RPS6KA5: variants seen among roughly 807,000 people sequenced by gnomAD.
The protein encoded by RPS6KA5 is ribosomal protein S6 kinase alpha-5.
RPS6KA5 carries 27 observed loss-of-function variants against 85.5 expected under a neutral mutation model. That is an observed-to-expected ratio of 0.32 (90% CI 0.23 to 0.44). The LOEUF is 0.44. Ranked by LOEUF, RPS6KA5 falls within the 20% of genes least tolerant of loss-of-function variation. The probability of loss-of-function intolerance (pLI) is 1.00; values close to 1 mark genes in which losing one functional copy is unlikely to be tolerated. For synonymous variants in RPS6KA5, 334 were observed against 348.2 expected (o/e 0.96, Z 0.46); for missense variants, 811 against 980.9 (o/e 0.83, Z 2.31).
intron 16 of RPS6KA5, among the ~76,000 whole-genome samples, chr14:90,873,149 G>A (rs2033230595): frequency 1.3e-5 from 2 of 151,920 alleles, no homozygotes; most frequent in Non-Finnish European, 2.9e-5. Flanking sequence ...CATCTGCTTG[G>A]CACAAATGTG....
chr14:91,053,983 G>C (rs1010342731), intron 1 of RPS6KA5, among the ~76,000 whole-genome samples: 2 of 152,204 alleles, frequency 1.3e-5, no homozygotes, highest in African/African-American at 2.4e-5. Context: ...CTGCTATAAG[G>C]AGAGACATAT....
chr14:91,014,217 T>C (rs950740062), intron 1 of RPS6KA5, among the ~76,000 whole-genome samples: 1 of 152,118 alleles, frequency 6.6e-6, no homozygotes, highest in Admixed American at 6.5e-5. Flanking sequence ...ATGAGTATTA[T>C]AAGGCCGGGG....
At chr14:91,000,718 C>T (rs1312523260) in intron 2 of RPS6KA5, among the ~76,000 whole-genome samples, 1 of 152,130 alleles carries the variant, frequency 6.6e-6, no homozygotes, top group Admixed American at 6.6e-5. Context: ...AGGAGAATCG[C>T]TTGAACCCAG....
chr14:91,033,249 T>A (rs2042264488), intron 1 of RPS6KA5, among the ~76,000 whole-genome samples: 1 of 151,270 alleles, frequency 6.6e-6, no homozygotes, highest in Non-Finnish European at 1.5e-5. Context: ...AAAATGTAAA[T>A]TTAAAATCAC....
chr14:90,938,699 C>T (rs2037414010), intron 5 of RPS6KA5, among the ~76,000 whole-genome samples: 1 of 152,222 alleles, frequency 6.6e-6, no homozygotes, highest in African/African-American at 2.4e-5. Context: ...GAAGCAACAG[C>T]CTGAGCTGTA....
chr14:91,047,025 C>T (rs564176179), intron 1 of RPS6KA5, among the ~76,000 whole-genome samples: 1 of 124,306 alleles, frequency 8.0e-6, no homozygotes, highest in Admixed American at 8.9e-5. Flanking sequence ...ACAGCCTGGG[C>T]AACAGAACAA....
At position 90,852,079 on chromosome 14, in the gene RPS6KA5, A is replaced by C. The variant is rs2032024377; in HGVS notation, c.*19995T>G. 7.3e-6 allele frequency: 1 copy of C among 136,894 alleles called. No individual in the cohort carries two copies. The highest frequency in any genetic ancestry group is 1.6e-5 in the Non-Finnish European group (1 of 63,820). The allele number at this position is 136,894 out of a possible 1,614,324, so 8.5% of individuals were successfully genotyped here. ...ATTATCGGTATCTTTTCTTTAAAAAATCACTTTTTTTTTTTTTTTTTTTTT... is the reference window on the plus strand; with the variant it reads ...ATTATCGGTATCTTTTCTTTAAAAACTCACTTTTTTTTTTTTTTTTTTTTT... On this transcript the variant is annotated 3_prime_UTR_variant, in exon 17 of 17. Transcript: ENST00000614987.
chr14:90,960,930 T>C (rs1033272696), intron 3 of RPS6KA5, among the ~76,000 whole-genome samples: 2 of 152,202 alleles, frequency 1.3e-5, no homozygotes, highest in African/African-American at 4.8e-5. Flanking sequence ...GGACATACAA[T>C]GAAAATGGGC....
chr14:90,869,975 C>T lies in RPS6KA5; in HGVS notation c.*2099G>A, dbSNP rs1215827136. 2.0e-5 allele frequency: 3 copies of T among 152,092 alleles called. No individual in the cohort carries two copies. Among genetic ancestry groups the T allele is most frequent in the African/African-American group, 4.8e-5 (2 of 41,412 alleles). The allele number at this position is 152,092 out of a possible 1,614,324, so 9.4% of individuals were successfully genotyped here. A position where few individuals can be genotyped will look rare whatever the true frequency, so the allele number is the denominator to read the frequency against. Reference sequence around the variant, plus strand: ...CCTTTTTACCCATTTCATCGCCTGTCGAATCCTCCTCAAGAAGAGGCAAGG... The same window carrying T: ...CCTTTTTACCCATTTCATCGCCTGTTGAATCCTCCTCAAGAAGAGGCAAGG... On this transcript the variant is annotated 3_prime_UTR_variant, in exon 17 of 17. Coordinates refer to ENST00000614987, the MANE Select transcript of RPS6KA5 (RefSeq NM_004755.4).
intron 15 of RPS6KA5, among the ~76,000 whole-genome samples, chr14:90,874,394 A>G (rs2033317015): frequency 6.6e-6 from 1 of 152,172 alleles, no homozygotes; most frequent in Non-Finnish European, 1.5e-5. Flanking sequence ...TGGCTATGGA[A>G]GAGGATTAAG....
chr14:91,004,825 G>A (rs1218176625), intron 1 of RPS6KA5, among the ~76,000 whole-genome samples: 4 of 151,862 alleles, frequency 2.6e-5, no homozygotes, highest in African/African-American at 7.3e-5. Flanking sequence ...AAAATTAGCC[G>A]GGCATGGTGG....
chr14:91,057,142 G>A (rs2043357822), intron 1 of RPS6KA5, among the ~76,000 whole-genome samples: 1 of 151,884 alleles, frequency 6.6e-6, no homozygotes, highest in Non-Finnish European at 1.5e-5. Context: ...GCCTCCCAAG[G>A]CAGTATTATC....
intron 6 of RPS6KA5, among the ~76,000 whole-genome samples, chr14:90,922,382 G>A (rs1343929407): frequency 1.3e-5 from 2 of 152,278 alleles, no homozygotes; most frequent in Middle Eastern, 3.4e-3. Flanking sequence ...TTTACATGCC[G>A]TGACCCTTCT....
chr14:91,006,882 T>C (rs777912088), intron 1 of RPS6KA5, among the ~76,000 whole-genome samples: 16 of 152,198 alleles, frequency 1.1e-4, no homozygotes, highest in Admixed American at 5.2e-4. Flanking sequence ...TCTAACCTTC[T>C]AAGTCACACA....
chr14:90,920,752 A>T (rs1275317341), intron 6 of RPS6KA5, among the ~76,000 whole-genome samples: 2 of 151,900 alleles, frequency 1.3e-5, no homozygotes, highest in Non-Finnish European at 2.9e-5. Context: ...TTTCTTATAG[A>T]ACCTATCACA....
At position 90,900,324 on chromosome 14, in the gene RPS6KA5, T is replaced by TTATTAA. The variant is rs2035095849; in HGVS notation, c.1246-89_1246-84dup. The TTATTAA allele has an allele frequency of 4.2e-6, 4 of 957,336 alleles. No homozygotes were observed. The East Asian group carries it at 1.2e-4, about 29-fold the overall frequency. The allele number at this position is 957,336 out of a possible 1,614,324, so 59.3% of individuals were successfully genotyped here. ...AATAAAATTGTAGAGTAAAATAAAA[T>TTATTAA]TATTAATATTAATAAACAGGAATAG... On this transcript the variant is annotated intron_variant, in intron 10 of 16. Coordinates refer to ENST00000614987, the MANE Select transcript of RPS6KA5 (RefSeq NM_004755.4).
chr14:91,018,428 T>A (rs990966902), intron 1 of RPS6KA5, among the ~76,000 whole-genome samples: 2 of 152,164 alleles, frequency 1.3e-5, no homozygotes, highest in African/African-American at 4.8e-5. Flanking sequence ...AGACTGATAT[T>A]TGAGTCAGTG....
At chr14:91,009,695 G>A (rs1390966151) in intron 1 of RPS6KA5, among the ~76,000 whole-genome samples, 1 of 152,172 alleles carries the variant, frequency 6.6e-6, no homozygotes, top group African/African-American at 2.4e-5. Context: ...TGATTTTGAA[G>A]AATGGCAGAA....
intron 1 of RPS6KA5, among the ~76,000 whole-genome samples, chr14:91,032,471 T>C (rs2042222372): frequency 6.6e-6 from 1 of 151,854 alleles, no homozygotes; most frequent in Non-Finnish European, 1.5e-5. Context: ...ATGAAACAGT[T>C]CCTCCCCACA....
Sources: gnomAD v4.1 joint callset for allele counts (sites outside exome capture counted in the v4.1 genomes callset) on GRCh38, gnomAD v4.1.1 for gene constraint, MANE v1.5 for transcripts, NCBI Gene and HGNC (gene_info 2026-07-23, HGNC 2026-07-21) for gene names.